The following ST6GALNAC3 variants were observed in gnomAD, a reference collection of about 807,000 sequenced individuals.
ST6GALNAC3 encodes alpha-N-acetylgalactosaminide alpha-2,6-sialyltransferase 3.
In ST6GALNAC3, 25 loss-of-function variants were observed where a neutral mutation model predicts 32.7. That is an observed-to-expected ratio of 0.76 (90% CI 0.56 to 1.07). ST6GALNAC3 has a LOEUF of 1.07. ST6GALNAC3 is among the 50% of genes least tolerant of loss of function. The probability of loss-of-function intolerance (pLI) is 0.00; values close to 1 mark genes in which losing one functional copy is unlikely to be tolerated. For synonymous variants in ST6GALNAC3, 129 were observed against 133.1 expected, an observed-to-expected ratio of 0.97 and a Z score of 0.21; for missense variants, 355 against 382.4, an observed-to-expected ratio of 0.93 and a Z score of 0.60.
At chr1:76,570,800 C>A (rs1665815936) in intron 3 of ST6GALNAC3, among the ~76,000 whole-genome samples, 1 of 151,972 alleles carries the variant, frequency 6.6e-6, no homozygotes, top group Non-Finnish European at 1.5e-5. Flanking sequence ...CCTTTTTCAC[C>A]CAGAAATATC....
At chr1:76,362,107 A>G (rs1026133162) in intron 2 of ST6GALNAC3, among the ~76,000 whole-genome samples, 1 of 152,108 alleles carries the variant, frequency 6.6e-6, no homozygotes, top group Admixed American at 6.5e-5. Context: ...TCTGCTTCTG[A>G]GAAGGCCCCA....
At chr1:76,280,993 G>A (rs1313365599) in intron 1 of ST6GALNAC3, among the ~76,000 whole-genome samples, 1 of 152,120 alleles carries the variant, frequency 6.6e-6, no homozygotes, top group Non-Finnish European at 1.5e-5. Flanking sequence ...TGTTCTAAGA[G>A]CTTTATAAAT....
At chr1:76,207,783 A>G (rs562878950) in intron 1 of ST6GALNAC3, among the ~76,000 whole-genome samples, 8 of 152,392 alleles carry the variant, frequency 5.2e-5, no homozygotes, top group Admixed American at 5.2e-4. Flanking sequence ...CACAACCCCC[A>G]TTCAAATTGA....
chr1:76,174,786 C>T (rs746446576), intron 1 of ST6GALNAC3, among the ~76,000 whole-genome samples: 1 of 151,836 alleles, frequency 6.6e-6, no homozygotes, highest in Non-Finnish European at 1.5e-5. Flanking sequence ...CCTGCCTCAG[C>T]CTCCCAAGTA....
intron 2 of ST6GALNAC3, among the ~76,000 whole-genome samples, chr1:76,379,942 T>G (rs6666049): frequency 0.28 from 43,227 of 152,006 alleles, 7,364 homozygotes; most frequent in East Asian, 0.6. Context: ...GGGGAGGATA[T>G]GGAGGTTACC....
At chr1:76,395,319 C>G (rs1323154132) in intron 2 of ST6GALNAC3, among the ~76,000 whole-genome samples, 2 of 152,144 alleles carry the variant, frequency 1.3e-5, no homozygotes, top group Non-Finnish European at 2.9e-5. Flanking sequence ...CCCTGTCAAC[C>G]TGAGCTCTTA....
chr1:76,442,168 C>T (rs1453409180), intron 3 of ST6GALNAC3, among the ~76,000 whole-genome samples: 1 of 152,114 alleles, frequency 6.6e-6, no homozygotes, highest in Non-Finnish European at 1.5e-5. Flanking sequence ...GAGTTTATGT[C>T]CATTTCCCTT....
At chr1:76,464,826 G>A (rs1477659603) in intron 3 of ST6GALNAC3, among the ~76,000 whole-genome samples, 1 of 152,068 alleles carries the variant, frequency 6.6e-6, no homozygotes, top group African/African-American at 2.4e-5. Flanking sequence ...ACTTTCCCAG[G>A]GAAGCACAGC....
At chr1:76,357,335 C>T (rs1487504780) in intron 2 of ST6GALNAC3, among the ~76,000 whole-genome samples, 1 of 151,902 alleles carries the variant, frequency 6.6e-6, no homozygotes, top group African/African-American at 2.4e-5. Flanking sequence ...AGGGTTTTGC[C>T]GTGTTGGCCA....
At chr1:76,489,022 C>T (rs1660321225) in intron 3 of ST6GALNAC3, among the ~76,000 whole-genome samples, 1 of 152,180 alleles carries the variant, frequency 6.6e-6, no homozygotes, top group South Asian at 2.1e-4. Context: ...CTGCCTTCTT[C>T]TTCACACAGT....
At chr1:76,083,082 T>G (rs1646919460) in intron 1 of ST6GALNAC3, among the ~76,000 whole-genome samples, 1 of 152,200 alleles carries the variant, frequency 6.6e-6, no homozygotes, top group Non-Finnish European at 1.5e-5. Flanking sequence ...ACACACGAAG[T>G]AAAAACTTCT....
chr1:76,634,552 G>A lies in ST6GALNAC3; in HGVS notation c.*5746G>A, dbSNP rs1649452464. ...TTGAGAGTTTTTATGGCATTATAGT[G>A]CTTTATTTATAAGCATTGTGTCTTA... On this transcript the variant is annotated 3_prime_UTR_variant, in exon 5 of 5. Transcript: ENST00000328299. 6.6e-6 allele frequency: 1 copy of A among 152,114 alleles called. No individual in the cohort carries two copies. The highest frequency in any genetic ancestry group is 2.4e-5 in the African/African-American group (1 of 41,508). 9.4% of individuals were successfully genotyped at this position (152,114 alleles called of 1,614,324 possible).
chr1:76,504,903 G>T (rs1661381715), intron 3 of ST6GALNAC3, among the ~76,000 whole-genome samples: 2 of 152,088 alleles, frequency 1.3e-5, no homozygotes, highest in Admixed American at 1.3e-4. Flanking sequence ...TTCAGATGTG[G>T]CCTCATTCAA....
chr1:76,472,906 G>A (rs116473787), intron 3 of ST6GALNAC3, among the ~76,000 whole-genome samples: 9 of 152,114 alleles, frequency 5.9e-5, no homozygotes, highest in South Asian at 2.1e-4. Context: ...AGTGGCTCTC[G>A]GAGAGTGACA....
rs368891139 is a variant in ST6GALNAC3, at chr1:76,618,997, G to A, written c.624-8455G>A. Among the ~76,000 whole-genome samples, 198 of 152,262 alleles carry A rather than the reference G, an allele frequency of 1.3e-3. 3 individuals are homozygous for A. The South Asian group carries it at 0.039, about 30-fold the overall frequency. On this transcript the variant is annotated intron_variant, in intron 3 of 4. Transcript: ENST00000328299. ...CTGACACAAGAAGCTTGAATAATCT[G>A]AAACTATAAACTGCATAGGCCATCT...
At chr1:76,404,801 T>C (rs1180425338) in intron 2 of ST6GALNAC3, among the ~76,000 whole-genome samples, 1 of 152,126 alleles carries the variant, frequency 6.6e-6, no homozygotes, top group Non-Finnish European at 1.5e-5. Context: ...AATTGTTCTG[T>C]AAAGTATTTA....
intron 3 of ST6GALNAC3, among the ~76,000 whole-genome samples, chr1:76,572,227 C>T (rs1003369806): frequency 6.6e-6 from 1 of 151,918 alleles, no homozygotes; most frequent in African/African-American, 2.4e-5. Flanking sequence ...AATATCACAG[C>T]ATCTAATTTA....
At chr1:76,473,187 A>G (rs1659145880) in intron 3 of ST6GALNAC3, among the ~76,000 whole-genome samples, 1 of 152,150 alleles carries the variant, frequency 6.6e-6, no homozygotes, top group Admixed American at 6.6e-5. Flanking sequence ...CTGATGGGAG[A>G]CAAGAGGTTT....
At chr1:76,414,992 T>C (rs1196385858) in intron 3 of ST6GALNAC3, among the ~76,000 whole-genome samples, 1 of 151,884 alleles carries the variant, frequency 6.6e-6, no homozygotes, top group Non-Finnish European at 1.5e-5. Flanking sequence ...TCCTAACCTA[T>C]ATAGAAACTT....
Sources: gnomAD v4.1 joint callset for allele counts (sites outside exome capture counted in the v4.1 genomes callset) on GRCh38, gnomAD v4.1.1 for gene constraint, MANE v1.5 for transcripts, NCBI Gene and HGNC (gene_info 2026-07-23, HGNC 2026-07-21) for gene names.